DACH1: variants seen among roughly 807,000 people sequenced by gnomAD.
DACH1 encodes the protein dachshund homolog 1.
In DACH1, 12 loss-of-function variants were observed where a neutral mutation model predicts 54.2. That is an observed-to-expected ratio of 0.22 (90% CI 0.14 to 0.36). The LOEUF (loss-of-function observed/expected upper bound fraction) is 0.36, where lower values mean the gene tolerates loss of function less well. Among genes scored for constraint, DACH1 ranks in the 10% least tolerant of loss-of-function variants. The probability of loss-of-function intolerance (pLI) is 1.00; values close to 1 mark genes in which losing one functional copy is unlikely to be tolerated. For synonymous variants in DACH1, 386 were observed against 366.2 expected, an observed-to-expected ratio of 1.05 and a Z score of -0.62; for missense variants, 805 against 929.8, an observed-to-expected ratio of 0.87 and a Z score of 1.75.
At chr13:71,670,486 C>T (rs1018075757) in intron 2 of DACH1, among the ~76,000 whole-genome samples, 1 of 151,912 alleles carries the variant, frequency 6.6e-6, no homozygotes, top group African/African-American at 2.4e-5. Flanking sequence ...CTTATTTTGT[C>T]CACAAGTCTA....
intron 1 of DACH1, chr13:71,704,298 A>T: frequency 3.3e-6 from 1 of 306,724 alleles, no homozygotes; most frequent in Non-Finnish European, 6.3e-6. Flanking sequence ...GATATTGTAG[A>T]CATCAAGAGA....
intron 2 of DACH1, among the ~76,000 whole-genome samples, chr13:71,648,279 GTAACATTTTC>G (rs967215666): frequency 9.2e-5 from 14 of 152,100 alleles, no homozygotes; most frequent in African/African-American, 3.4e-4. Flanking sequence ...AAAATTGGTG[GTAACATTTTC>G]TCAATGCTTT....
chr13:71,578,053 G>C (rs1176962924), intron 3 of DACH1, among the ~76,000 whole-genome samples: 1 of 152,048 alleles, frequency 6.6e-6, no homozygotes, highest in Non-Finnish European at 1.5e-5. Context: ...AAATATAAAT[G>C]CCTTTTAAAT....
chr13:71,858,384 T>C (rs1218658928), intron 1 of DACH1, among the ~76,000 whole-genome samples: 1 of 151,688 alleles, frequency 6.6e-6, no homozygotes, highest in Non-Finnish European at 1.5e-5. Flanking sequence ...AACAAAAACA[T>C]TTCTCAATTA....
chr13:71,696,254 G>C (rs974920881), intron 1 of DACH1, among the ~76,000 whole-genome samples: 2 of 152,064 alleles, frequency 1.3e-5, no homozygotes, highest in African/African-American at 2.4e-5. Context: ...AATAATAACT[G>C]AATTTACAGT....
intron 3 of DACH1, among the ~76,000 whole-genome samples, chr13:71,628,691 C>A (rs1422834553): frequency 6.6e-6 from 1 of 151,964 alleles, no homozygotes; most frequent in East Asian, 1.9e-4. Flanking sequence ...TAAGTCATTG[C>A]GATAGGCTAC....
At chr13:71,609,586 C>T (rs549767222) in intron 3 of DACH1, among the ~76,000 whole-genome samples, 15 of 151,850 alleles carry the variant, frequency 9.9e-5, no homozygotes, top group South Asian at 4.2e-4. Context: ...GTAGCCCAGG[C>T]GCGATCTTGG....
intron 3 of DACH1, among the ~76,000 whole-genome samples, chr13:71,607,411 C>T (rs1306142020): frequency 1.3e-5 from 2 of 151,816 alleles, no homozygotes; most frequent in African/African-American, 4.8e-5. Context: ...TGTAACAATT[C>T]TAAAATTTTT....
chr13:71,516,924 T>C (rs1336681165), intron 6 of DACH1, among the ~76,000 whole-genome samples: 1 of 29,446 alleles, frequency 3.4e-5, no homozygotes, highest in Non-Finnish European at 1.2e-4. Flanking sequence ...ACATATATTT[T>C]TATGTTTATA....
intron 6 of DACH1, among the ~76,000 whole-genome samples, chr13:71,553,599 T>C (rs1343480631): frequency 1.4e-5 from 2 of 144,020 alleles, no homozygotes; most frequent in Admixed American, 7.2e-5. Flanking sequence ...TTTATATTTT[T>C]GTATTTTATA....
chr13:71,694,612 A>T (rs1475148592), intron 1 of DACH1, among the ~76,000 whole-genome samples: 1 of 152,198 alleles, frequency 6.6e-6, no homozygotes, highest in East Asian at 1.9e-4. Context: ...GGAACCACAG[A>T]GTTGGAGAAG....
At chr13:71,659,746 A>T (rs1355248826) in intron 2 of DACH1, among the ~76,000 whole-genome samples, 2 of 152,108 alleles carry the variant, frequency 1.3e-5, no homozygotes, top group Non-Finnish European at 2.9e-5. Flanking sequence ...CTGTGAAAAG[A>T]AGACATGTAT....
chr13:71,768,901 C>A (rs770210035), intron 1 of DACH1, among the ~76,000 whole-genome samples: 1 of 151,750 alleles, frequency 6.6e-6, no homozygotes, highest in Non-Finnish European at 1.5e-5. Flanking sequence ...AGTCTTGGAG[C>A]TTTTTTTCTC....
chr13:71,811,275 G>A (rs561107043), intron 1 of DACH1, among the ~76,000 whole-genome samples: 3 of 152,034 alleles, frequency 2.0e-5, no homozygotes, highest in East Asian at 3.9e-4. Context: ...GAAGATCTAA[G>A]CAAAATTATC....
At chr13:71,539,857 G>T (rs1039339014) in intron 6 of DACH1, among the ~76,000 whole-genome samples, 1 of 151,944 alleles carries the variant, frequency 6.6e-6, no homozygotes, top group African/African-American at 2.4e-5. Flanking sequence ...GCAATACAAA[G>T]AATGCGGTCA....
At chr13:71,622,751 C>T (rs1307682485) in intron 3 of DACH1, among the ~76,000 whole-genome samples, 4 of 151,762 alleles carry the variant, frequency 2.6e-5, no homozygotes, top group Non-Finnish European at 5.9e-5. Flanking sequence ...ATCCTATATA[C>T]ATCCTTATAT....
In DACH1 at chr13:71,559,961, C is replaced by T. The variant is rs774626661; in HGVS notation, c.1300-6G>A. The T allele has an allele frequency of 1.3e-6, 2 of 1,529,714 alleles. No individual in the cohort carries two copies. The highest frequency in any genetic ancestry group is 2.2e-5 in the Admixed American group (1 of 44,786). 94.8% of individuals were successfully genotyped at this position (1,529,714 alleles called of 1,614,324 possible). On this transcript the variant is annotated splice_region_variant and splice_polypyrimidine_tract_variant and intron_variant, in intron 4 of 10. Transcript: ENST00000613252. ...GGGCTATCAGGAACACGCTCCTGCA[C>T]CAGCAAGAGAGGGAAGGAGGGTAGA... is the stretch of plus-strand genomic sequence containing the variant.
At chr13:71,483,474 TAATA>T (rs1181950189) in intron 7 of DACH1, among the ~76,000 whole-genome samples, 1 of 146,748 alleles carries the variant, frequency 6.8e-6, no homozygotes, top group African/African-American at 2.5e-5. Flanking sequence ...TAATACCTTA[TAATA>T]AATAATATAT....
At position 71,672,406 on chromosome 13, in the gene DACH1, C is replaced by G. The variant is rs566254294; in HGVS notation, c.964+9389G>C. 1.3e-4 allele frequency among the ~76,000 whole-genome samples: 20 copies of G among 152,198 alleles called. No individual in the cohort carries two copies. In the Middle Eastern group the frequency reaches 0.017, roughly 129 times the overall value. ...CTCTAGAAATGTTGTTCCTGCCAAC[C>G]CTTTCATAGCAATTTTACATCTTTA... On this transcript the variant is annotated intron_variant, in intron 2 of 10. Coordinates refer to ENST00000613252, the MANE Select transcript of DACH1 (RefSeq NM_080759.6).
Sources: gnomAD v4.1 joint callset for allele counts (sites outside exome capture counted in the v4.1 genomes callset) on GRCh38, gnomAD v4.1.1 for gene constraint, MANE v1.5 for transcripts, NCBI Gene and HGNC (gene_info 2026-07-23, HGNC 2026-07-21) for gene names.